The following NPAS3 variants were observed in gnomAD, a reference collection of about 807,000 sequenced individuals.
The protein encoded by NPAS3 is neuronal PAS domain-containing protein 3.
Under a neutral mutation model 73.1 loss-of-function variants are expected in NPAS3, and 14 were observed. The observed-to-expected ratio is 0.19, with a 90% CI of 0.13 to 0.30. The LOEUF is 0.30. Ranked by LOEUF, NPAS3 falls within the 10% of genes least tolerant of loss-of-function variation. The probability of loss-of-function intolerance (pLI) is 1.00; values close to 1 mark genes in which losing one functional copy is unlikely to be tolerated. For missense variants in NPAS3, 1,096 were observed against 1,250.0 expected, an observed-to-expected ratio of 0.88 and a Z score of 1.86; for synonymous variants, 620 against 541.5, an observed-to-expected ratio of 1.14 and a Z score of -2.01.
At chr14:33,558,388 G>A (rs1434227490) in intron 4 of NPAS3, among the ~76,000 whole-genome samples, 1 of 151,916 alleles carries the variant, frequency 6.6e-6, no homozygotes, top group Non-Finnish European at 1.5e-5. Context: ...ATCCTCCCAA[G>A]TATCTGGGAT....
At position 33,800,932 on chromosome 14, in the gene NPAS3, C is replaced by T. The variant is rs765106189; in HGVS notation, c.2625C>T (p.His875=). 1 of 1,607,802 alleles carries T rather than the reference C, an allele frequency of 6.2e-7. No homozygotes were observed. The highest frequency in any genetic ancestry group is 1.1e-5 in the South Asian group (1 of 89,760). ...CGCCCATGGAGATGCTCTACCACCA[C>T]GTGCACCGGCTCAACATGTCAGGAC... Residue 875 remains histidine (H), a synonymous_variant, in exon 12 of 12, where the codon CAC becomes CAT. Transcript: ENST00000356141. The surrounding 1 kb of genome is among the most constrained non-coding windows in gnomAD (Gnocchi z 6.5).
intron 6 of NPAS3, among the ~76,000 whole-genome samples, chr14:33,711,885 G>T (rs573829748): frequency 1.3e-5 from 2 of 152,084 alleles, no homozygotes; most frequent in East Asian, 3.9e-4. Flanking sequence ...AGTTCTGCAC[G>T]GCTGCTTAGG....
At chr14:33,531,307 T>C (rs1198619546) in intron 4 of NPAS3, among the ~76,000 whole-genome samples, 1 of 152,136 alleles carries the variant, frequency 6.6e-6, no homozygotes, top group Admixed American at 6.6e-5. Context: ...ACAATCTACA[T>C]ACAGAAAAGT....
intron 4 of NPAS3, among the ~76,000 whole-genome samples, chr14:33,476,648 G>A (rs1395069981): frequency 1.3e-5 from 2 of 152,062 alleles, no homozygotes; most frequent in Non-Finnish European, 1.5e-5. Context: ...TGGGACAGTT[G>A]TTTCTGTTTC....
intron 2 of NPAS3, among the ~76,000 whole-genome samples, chr14:33,205,161 A>C (rs189969187): frequency 3.3e-5 from 5 of 152,262 alleles, no homozygotes; most frequent in Admixed American, 1.3e-4. Context: ...TTGGATATAT[A>C]TTATCTCTAT....
At chr14:33,622,249 C>T (rs921962758) in intron 5 of NPAS3, among the ~76,000 whole-genome samples, 8 of 151,516 alleles carry the variant, frequency 5.3e-5, no homozygotes, top group African/African-American at 1.5e-4. Flanking sequence ...GATTGGGATG[C>T]GTCAATAAAG....
At chr14:33,227,812 C>G (rs1334226704) in intron 3 of NPAS3, among the ~76,000 whole-genome samples, 2 of 152,268 alleles carry the variant, frequency 1.3e-5, no homozygotes, top group Non-Finnish European at 2.9e-5. Flanking sequence ...GTTCATGTAT[C>G]CCAGGCTAGA....
chr14:33,632,422 TTAATTAACA>T (rs1234170922), intron 5 of NPAS3, among the ~76,000 whole-genome samples: 11 of 152,158 alleles, frequency 7.2e-5, no homozygotes, highest in Non-Finnish European at 1.3e-4. Context: ...AACAAGGGAA[TTAATTAACA>T]GACACTCAGA....
At chr14:33,142,850 C>T (rs537171183) in intron 2 of NPAS3, among the ~76,000 whole-genome samples, 1 of 151,138 alleles carries the variant, frequency 6.6e-6, no homozygotes, top group South Asian at 2.1e-4. Flanking sequence ...GCCTGTAATC[C>T]CAACACTTGG....
chr14:33,209,449 C>T (rs374954550), intron 2 of NPAS3, among the ~76,000 whole-genome samples: 9 of 152,250 alleles, frequency 5.9e-5, no homozygotes, highest in Admixed American at 2.6e-4. Flanking sequence ...GCTCCTCATT[C>T]GGCTCATGTT....
chr14:33,335,043 C>T (rs1909835), intron 3 of NPAS3, among the ~76,000 whole-genome samples: 112,679 of 146,746 alleles, frequency 0.77, 43,442 homozygotes, highest in African/African-American at 0.87. Flanking sequence ...TGTGTGTGTG[C>T]GTGTGTGTGT....
chr14:33,031,628 G>A (rs904181721), intron 1 of NPAS3, among the ~76,000 whole-genome samples: 5 of 152,154 alleles, frequency 3.3e-5, no homozygotes, highest in African/African-American at 1.2e-4. Context: ...GAATAGCTGG[G>A]ACCACACGTG....
intron 3 of NPAS3, among the ~76,000 whole-genome samples, chr14:33,307,612 T>TGTGTGTGTGTGTGTG (rs9322923): frequency 4.0e-5 from 6 of 149,666 alleles, no homozygotes; most frequent in African/African-American, 7.4e-5. Flanking sequence ...TGTGTGTGTG[T>TGTGTGTGTGTGTGTG]TCGTGTGCGT....
chr14:33,284,865 C>T (rs1017716630), intron 3 of NPAS3, among the ~76,000 whole-genome samples: 5 of 151,868 alleles, frequency 3.3e-5, no homozygotes, highest in African/African-American at 7.3e-5. Context: ...CCTCATTTTG[C>T]GGATGATGAA....
rs138986655 is a variant in NPAS3 at position 33,800,340 on chromosome 14, C to A, written c.2033C>A (p.Ser678Tyr). The change falls in exon 12 of 12, where the codon TCC becomes TAC. Residue 678 changes from serine to tyrosine, a missense_variant. By Grantham distance (144) the Ser-to-Tyr change is moderately radical. This residue lies in a region of NPAS3 where 698 missense variants were observed against 676.7 expected (regional missense o/e 1.03). Transcript: ENST00000356141. The surrounding 1 kb of genome is among the most constrained non-coding windows in gnomAD (Gnocchi z 6.5). Reference sequence around the variant, plus strand: ...AACCGGGAGATCTCCAGGAACGAGTCCCCCTACAGCATGACCAAGCCCCCC... The same window carrying A: ...AACCGGGAGATCTCCAGGAACGAGTACCCCTACAGCATGACCAAGCCCCCC... 3 of 1,612,936 alleles carry A rather than the reference C, an allele frequency of 1.9e-6. No homozygotes were observed. Among genetic ancestry groups the A allele is most frequent in the African/African-American group, 1.3e-5 (1 of 74,860 alleles).
At chr14:33,228,821 C>A (rs531645557) in intron 3 of NPAS3, among the ~76,000 whole-genome samples, 1 of 152,088 alleles carries the variant, frequency 6.6e-6, no homozygotes, top group South Asian at 2.1e-4. Flanking sequence ...GGATGATTAA[C>A]GCGAAAGGAG....
At chr14:33,783,370 C>T (rs1958057) in intron 9 of NPAS3, among the ~76,000 whole-genome samples, 68,346 of 151,864 alleles carry the variant, frequency 0.45, 16,479 homozygotes, top group African/African-American at 0.63. Flanking sequence ...TGGCTGGACT[C>T]TTCCCAGAGC....
At chr14:33,217,675 G>T (rs1246831643) in intron 3 of NPAS3, among the ~76,000 whole-genome samples, 2 of 152,078 alleles carry the variant, frequency 1.3e-5, no homozygotes, top group Non-Finnish European at 2.9e-5. Flanking sequence ...AAAATGTGAT[G>T]GTTCTGTTAT....
At chr14:33,068,858 A>G (rs2041373967) in intron 2 of NPAS3, among the ~76,000 whole-genome samples, 2 of 152,166 alleles carry the variant, frequency 1.3e-5, no homozygotes, top group Non-Finnish European at 1.5e-5. Flanking sequence ...TTCAAAGCAC[A>G]CCAGGGAGGC....
Sources: allele counts gnomAD v4.1 joint callset (sites outside exome capture counted in the v4.1 genomes callset), GRCh38; gene constraint gnomAD v4.1.1; regional missense constraint gnomAD v4.1.1; non-coding constraint Gnocchi (gnomAD v3.1); transcripts MANE v1.5; gene names NCBI Gene and HGNC (gene_info 2026-07-23, HGNC 2026-07-21).